The following PSTPIP1 variants were observed in gnomAD, a reference collection of about 807,000 sequenced individuals.
The protein encoded by PSTPIP1 is proline-serine-threonine phosphatase-interacting protein 1.
In PSTPIP1, 66 loss-of-function variants were observed where a neutral mutation model predicts 69.6. The ratio of observed to expected loss-of-function variants is 0.95; its 90% CI spans 0.78 to 1.16. The LOEUF (loss-of-function observed/expected upper bound fraction) is 1.16. PSTPIP1 is among the 50% of genes most tolerant of loss of function. PSTPIP1 has a pLI of 0.00. For missense variants in PSTPIP1, 603 were observed against 557.4 expected (o/e 1.08, Z -0.82); for synonymous variants, 266 against 222.7 (o/e 1.19, Z -1.73).
rs551296934 is a variant in PSTPIP1 at position 77,015,620 on chromosome 15, A to G, written c.37-2528A>G. ...CTTGGGTGGCAGACCCACATGACTG[A>G]TTAAGTTACAGGATGATTGGTTCAT... On this transcript the variant is annotated intron_variant, in intron 1 of 14. Transcript: ENST00000558012. Among the ~76,000 whole-genome samples the G allele has an allele frequency of 5.6e-4, 85 of 152,252 alleles. 1 individual carries two copies. The South Asian group carries it at 7.3e-3, about 13-fold the overall frequency.
In PSTPIP1 at chr15:77,028,634, C is replaced by A; in HGVS notation, c.498C>A (p.His166Gln). The change falls in exon 7 of 15, where the codon CAC becomes CAA. Residue 166 changes from histidine to glutamine, a missense_variant. His to Gln is a conservative substitution (Grantham distance 24). Transcript: ENST00000558012. ...QAFERISANG[H>Q]QKQVEKSQNK... Reference sequence around the variant, plus strand: ...TCGAGCGCATTAGCGCCAACGGCCACCAGAAGCAGGTGGAGAAGGTGCGCT... The same window carrying A: ...TCGAGCGCATTAGCGCCAACGGCCAACAGAAGCAGGTGGAGAAGGTGCGCT... 6.3e-7 allele frequency: 1 copy of A among 1,579,186 alleles called. No homozygotes were observed. The highest frequency in any genetic ancestry group is 8.6e-7 in the Non-Finnish European group (1 of 1,164,076).
intron 3 of PSTPIP1, among the ~76,000 whole-genome samples, chr15:77,024,835 C>T (rs796082999): frequency 4.7e-4 from 71 of 151,978 alleles, no homozygotes; most frequent in African/African-American, 1.6e-3. Flanking sequence ...CTCCAAACAT[C>T]CCCCGGGCCA....
chr15:77,027,981 T>G lies in PSTPIP1; in HGVS notation c.417+67T>G. The G allele has an allele frequency of 1.4e-6, 2 of 1,384,930 alleles. No individual in the cohort carries two copies. The highest frequency in any genetic ancestry group is 2.0e-6 in the Non-Finnish European group (2 of 998,644). 85.8% of individuals were successfully genotyped at this position (1,384,930 alleles called of 1,614,324 possible). ...CAGCGCAGGTCTCAGGGTGCGATCC[T>G]GGGCTGTGGCCCCGGGCAGGGCATT... On this transcript the variant is annotated intron_variant, in intron 6 of 14. Coordinates refer to ENST00000558012, the MANE Select transcript of PSTPIP1 (RefSeq NM_003978.5). This position sits in a 1 kb window ranked among gnomAD's most constrained non-coding sequence, Gnocchi z 4.3.
Position 77,037,317 on chromosome 15 carries a change from A to C in PSTPIP1, c.*141A>C, listed in dbSNP as rs1194391858. The C allele has an allele frequency of 1.7e-6, 2 of 1,155,874 alleles. No homozygotes were observed. The highest frequency in any genetic ancestry group is 2.4e-6 in the Non-Finnish European group (2 of 842,298). 71.6% of individuals were successfully genotyped at this position (1,155,874 alleles called of 1,614,324 possible). The stretch of plus-strand genomic sequence containing the variant: ...CCTGTCGTCTCCCAGGGAATAAAGG[A>C]GTGCGTTCTGTTCTCCTTGGTGTGC... On this transcript the variant is annotated 3_prime_UTR_variant, in exon 15 of 15. Coordinates refer to ENST00000558012, the MANE Select transcript of PSTPIP1 (RefSeq NM_003978.5).
At chr15:77,017,672 G>A (rs1436976563) in intron 1 of PSTPIP1, among the ~76,000 whole-genome samples, 1 of 152,212 alleles carries the variant, frequency 6.6e-6, no homozygotes, top group African/African-American at 2.4e-5. Context: ...GACAGCCTGG[G>A]GTTCAAGGCC....
Position 77,015,691 on chromosome 15 carries a change from A to C in PSTPIP1, c.37-2457A>C, listed in dbSNP as rs1280656771. ...GAGCCTGACTGTCCCAGCTCAGAGC[A>C]CGGAGTCAGACCCATGCCCTCGAGG... On this transcript the variant is annotated intron_variant, in intron 1 of 14. Coordinates refer to ENST00000558012, the MANE Select transcript of PSTPIP1 (RefSeq NM_003978.5). The C allele has an allele frequency of 1.2e-5, 4 of 340,214 alleles. No homozygotes were observed. The East Asian group carries it at 2.3e-4, about 20-fold the overall frequency. 21.1% of individuals were successfully genotyped at this position (340,214 alleles called of 1,614,324 possible).
intron 1 of PSTPIP1, among the ~76,000 whole-genome samples, chr15:77,004,078 A>G (rs1210451395): frequency 6.6e-6 from 1 of 152,218 alleles, no homozygotes; most frequent in Non-Finnish European, 1.5e-5. Context: ...AATTCCAACA[A>G]TAGTCCTGTG....
intron 1 of PSTPIP1, among the ~76,000 whole-genome samples, chr15:76,996,259 C>A (rs990967300): frequency 1.4e-4 from 21 of 152,316 alleles, no homozygotes; most frequent in African/African-American, 5.1e-4. Context: ...TAAATCAAGT[C>A]ATTTCCCCCA....
At chr15:77,031,587 C>G (rs1267696542) in intron 10 of PSTPIP1, 2 of 297,820 alleles carry the variant, frequency 6.7e-6, no homozygotes, top group East Asian at 1.7e-4. Flanking sequence ...GTGGACACAG[C>G]TGTCAGAGGT....
chr15:77,018,616 A>G, intron 3 of PSTPIP1, 85 bp downstream of exon 3: 1 of 1,369,344 alleles, frequency 7.3e-7, no homozygotes, highest in Non-Finnish European at 9.8e-7. Context: ...TCTTCCTGGC[A>G]TGGGGGAGGC....
Position 77,013,817 on chromosome 15 carries a change from G to A in PSTPIP1, c.37-4331G>A, listed in dbSNP as rs537052049. 1.6e-3 allele frequency among the ~76,000 whole-genome samples: 247 copies of A among 152,338 alleles called. 1 individual carries two copies. Among genetic ancestry groups the A allele is most frequent in the African/African-American group, 5.7e-3 (235 of 41,566 alleles). Reference sequence around the variant, plus strand: ...CAGGTGTCCCCCTCCAAGGTTGGAGGCTTAGCTGTCCTCTGATAGATGCTG... The same window carrying A: ...CAGGTGTCCCCCTCCAAGGTTGGAGACTTAGCTGTCCTCTGATAGATGCTG... On this transcript the variant is annotated intron_variant, in intron 1 of 14. Coordinates refer to ENST00000558012, the MANE Select transcript of PSTPIP1 (RefSeq NM_003978.5).
chr15:77,027,754 G>A lies in PSTPIP1; in HGVS notation c.355-98G>A. On this transcript the variant is annotated intron_variant, in intron 5 of 14. Coordinates refer to ENST00000558012, the MANE Select transcript of PSTPIP1 (RefSeq NM_003978.5). The surrounding 1 kb of genome is among the most constrained non-coding windows in gnomAD (Gnocchi z 4.3). The stretch of plus-strand genomic sequence containing the variant: ...TGTCACCCTCTCTCCAGAGCCAGGA[G>A]AGGTGCTGCGCCTCATCCCAGGGAC... 7.1e-7 allele frequency: 1 copy of A among 1,398,880 alleles called. No individual in the cohort carries two copies. The highest frequency in any genetic ancestry group is 1.2e-5 in the South Asian group (1 of 80,358). 86.7% of individuals were successfully genotyped at this position (1,398,880 alleles called of 1,614,324 possible).
intron 1 of PSTPIP1, among the ~76,000 whole-genome samples, chr15:76,996,435 T>C (rs2075581323): frequency 6.6e-6 from 1 of 152,126 alleles, no homozygotes; most frequent in Non-Finnish European, 1.5e-5. Context: ...GGGGAAAAAC[T>C]GAGACCTCTC....
intron 3 of PSTPIP1, 137 bp from the exon 4 acceptor site, chr15:77,025,147 C>A (rs942880885): frequency 2.4e-4 from 224 of 937,078 alleles, no homozygotes; most frequent in Non-Finnish European, 1.7e-4. Context: ...CTAAAGGGTC[C>A]CTTGGTTCTA....
chr15:77,029,149 C>T (rs1353974580), intron 7 of PSTPIP1, among the ~76,000 whole-genome samples: 2 of 152,204 alleles, frequency 1.3e-5, no homozygotes, highest in East Asian at 1.9e-4. Context: ...GGAAACACAT[C>T]ACTCATTGCA....
At chr15:77,000,384 G>A (rs1205927374) in intron 1 of PSTPIP1, among the ~76,000 whole-genome samples, 4 of 151,610 alleles carry the variant, frequency 2.6e-5, no homozygotes, top group Non-Finnish European at 5.9e-5. Context: ...CCCCAGACCT[G>A]TCTACCATGG....
intron 7 of PSTPIP1, 123 bp from the exon 8 acceptor site, chr15:77,029,406 A>C: frequency 9.0e-7 from 1 of 1,111,430 alleles, no homozygotes; most frequent in Non-Finnish European, 1.3e-6. Flanking sequence ...ATCTGCCCAT[A>C]GTTGGCTCCT....
At position 77,029,567 on chromosome 15, in the gene PSTPIP1, C is replaced by T. The variant is rs370782742; in HGVS notation, c.555C>T (p.Thr185=). 208 of 1,580,608 alleles carry T rather than the reference C, an allele frequency of 1.3e-4. 2 individuals are homozygous for T. Among genetic ancestry groups the T allele is most frequent in the South Asian group, 9.3e-5 (8 of 86,270 alleles). The change falls in exon 8 of 15, where the codon ACC becomes ACT. Residue 185 remains threonine (T), a synonymous_variant. Coordinates refer to ENST00000558012, the MANE Select transcript of PSTPIP1 (RefSeq NM_003978.5). ...NKARQCKDSA[T]EAERVYRQSI... The stretch of plus-strand genomic sequence containing the variant: ...CCAGGCAGTGCAAGGACTCGGCCAC[C>T]GAGGCAGGTATGTGGGCCTGGCTGC...
At chr15:77,016,077 G>T (rs2076046508) in intron 1 of PSTPIP1, 2 of 456,190 alleles carry the variant, frequency 4.4e-6, no homozygotes, top group Admixed American at 2.3e-5. Context: ...AGGGCTGGGT[G>T]TGGGGCTGGG....
Sources: gnomAD v4.1 joint callset for allele counts (sites outside exome capture counted in the v4.1 genomes callset) on GRCh38, gnomAD v4.1.1 for gene constraint, Gnocchi (gnomAD v3.1) non-coding constraint, MANE v1.5 for transcripts, NCBI Gene and HGNC (gene_info 2026-07-23, HGNC 2026-07-21) for gene names.